The following CASC3 variants were observed in gnomAD, a reference collection of about 807,000 sequenced individuals.
CASC3 encodes the protein protein CASC3.
A neutral mutation model predicts 80.5 loss-of-function variants in CASC3; 30 were observed. The observed-to-expected ratio is 0.37, with a 90% CI of 0.28 to 0.51. CASC3 has a LOEUF of 0.51. Ranked by LOEUF, CASC3 falls within the 20% of genes least tolerant of loss-of-function variation. CASC3 has a pLI of 0.94. For synonymous variants in CASC3, 312 were observed against 333.6 expected (o/e 0.94, Z 0.70); for missense variants, 824 against 922.2 (o/e 0.89, Z 1.38).
chr17:40,171,855 G>A lies in CASC3; in HGVS notation c.*1450G>A. 2 of 1,195,840 alleles carry A rather than the reference G, an allele frequency of 1.7e-6. No individual in the cohort carries two copies. Among genetic ancestry groups the A allele is most frequent in the South Asian group, 1.6e-5 (1 of 64,342 alleles). 74.1% of individuals were successfully genotyped at this position (1,195,840 alleles called of 1,614,324 possible). ...CACTCTGAGTCACAGGTGTGGGATG[G>A]AGAGTGGGGAGAGGCACTTAATCTG... On this transcript the variant is annotated 3_prime_UTR_variant, in exon 14 of 14. Coordinates refer to ENST00000264645, the MANE Select transcript of CASC3 (RefSeq NM_007359.5).
intron 3 of CASC3, among the ~76,000 whole-genome samples, chr17:40,150,124 T>C (rs1988963301): frequency 6.6e-6 from 1 of 152,170 alleles, no homozygotes; most frequent in Non-Finnish European, 1.5e-5. Context: ...CTCACACCTG[T>C]AATCCAAGCA....
chr17:40,150,332 A>G (rs1308367167), intron 3 of CASC3, among the ~76,000 whole-genome samples: 1 of 152,080 alleles, frequency 6.6e-6, no homozygotes, highest in African/African-American at 2.4e-5. Flanking sequence ...TGATTGCACC[A>G]CTGCACTCCA....
chr17:40,160,498 A>G (rs1043978491), intron 3 of CASC3, among the ~76,000 whole-genome samples: 2 of 146,162 alleles, frequency 1.4e-5, no homozygotes, highest in Non-Finnish European at 3.0e-5. Flanking sequence ...CTCAAAACAG[A>G]AAAAAAAAAA....
intron 7 of CASC3, among the ~76,000 whole-genome samples, chr17:40,164,922 AT>A (rs552290996): frequency 0.027 from 2,656 of 98,568 alleles, 92 homozygotes; most frequent in African/African-American, 0.091. Context: ...CACCTGGCTA[AT>A]TTTTTTTTTT....
chr17:40,163,312 TTTAGTAGAAATGAG>T (rs1989353614), intron 6 of CASC3, among the ~76,000 whole-genome samples, 155 bp from the exon 7 acceptor site: 1 of 152,050 alleles, frequency 6.6e-6, no homozygotes, highest in South Asian at 2.1e-4. Flanking sequence ...TTTTTGTATT[TTTAGTAGAAATGAG>T]GTTTCGCTAT....
At position 40,171,536 on chromosome 17, in the gene CASC3, C is replaced by G. The variant is rs745643482; in HGVS notation, c.*1131C>G. ...TTAGATGTTACTACCTTATTTTCCCCGAATTCTATTTTTGTCCTTGCAGAC... is the reference window on the plus strand; with the variant it reads ...TTAGATGTTACTACCTTATTTTCCCGGAATTCTATTTTTGTCCTTGCAGAC... On this transcript the variant is annotated 3_prime_UTR_variant, in exon 14 of 14. Transcript: ENST00000264645. The G allele has an allele frequency of 1.0e-6, 1 of 989,130 alleles. No individual in the cohort carries two copies. The highest frequency in any genetic ancestry group is 1.7e-5 in the African/African-American group (1 of 57,360). The allele number at this position is 989,130 out of a possible 1,614,324, so 61.3% of individuals were successfully genotyped here. A position where few individuals can be genotyped will look rare whatever the true frequency, so the allele number is the denominator to read the frequency against.
At chr17:40,146,999 G>A (rs1356568370) in intron 3 of CASC3, among the ~76,000 whole-genome samples, 2 of 152,170 alleles carry the variant, frequency 1.3e-5, no homozygotes, top group Non-Finnish European at 2.9e-5. Context: ...GAATGGAAAC[G>A]TTGGAGAAAC....
intron 3 of CASC3, among the ~76,000 whole-genome samples, chr17:40,141,990 G>C (rs1314377996): frequency 6.6e-6 from 1 of 152,220 alleles, no homozygotes; most frequent in African/African-American, 2.4e-5. Context: ...GAAAGGGTAG[G>C]ATTCGGAATG....
chr17:40,140,828 C>T (rs1383766836), intron 1 of CASC3, 49 bp downstream of exon 1: 2 of 100,182 alleles, frequency 2.0e-5, no homozygotes, highest in South Asian at 8.7e-5. Flanking sequence ...GCGAGCCGGC[C>T]GGGGGCGGGG....
chr17:40,151,851 C>T (rs1989018452), intron 3 of CASC3, among the ~76,000 whole-genome samples: 1 of 152,116 alleles, frequency 6.6e-6, no homozygotes, highest in South Asian at 2.1e-4. Context: ...ATGTGTCTGG[C>T]CTCTTTCAGT....
chr17:40,168,481 A>T, intron 11 of CASC3, 64 bp downstream of exon 11: 3 of 1,400,598 alleles, frequency 2.1e-6, no homozygotes, highest in Non-Finnish European at 2.0e-6. Flanking sequence ...GGAATGTGGT[A>T]TGGGGAGAAT....
chr17:40,169,742 C>CTTTTTTTTTTTT lies in CASC3; in HGVS notation c.*41+100_*41+111dup, dbSNP rs56186811. On this transcript the variant is annotated intron_variant, in intron 13 of 13. Coordinates refer to ENST00000264645, the MANE Select transcript of CASC3 (RefSeq NM_007359.5). ...ATAAACAAAAATCACTTAATTAATG[C>CTTTTTTTTTTTT]TTTTTTTTTTTTTTTTTTTTTTTTT... The CTTTTTTTTTTTT allele has an allele frequency of 1.6e-4, 15 of 91,830 alleles. 4 individuals carry two copies. Among genetic ancestry groups the CTTTTTTTTTTTT allele is most frequent in the African/African-American group, 1.0e-3 (12 of 11,712 alleles). 5.7% of individuals were successfully genotyped at this position (91,830 alleles called of 1,614,324 possible). A position where few individuals can be genotyped will look rare whatever the true frequency, so the allele number is the denominator to read the frequency against.
chr17:40,151,482 G>C (rs1311269673), intron 3 of CASC3, among the ~76,000 whole-genome samples: 1 of 151,986 alleles, frequency 6.6e-6, no homozygotes, highest in African/African-American at 2.4e-5. Flanking sequence ...AAAGTGCTGG[G>C]ATTACAGGCG....
chr17:40,146,186 T>C (rs1988855853), intron 3 of CASC3, among the ~76,000 whole-genome samples: 1 of 152,160 alleles, frequency 6.6e-6, no homozygotes, highest in African/African-American at 2.4e-5. Context: ...TGTAGGAATC[T>C]AGTTAAGTAG....
At position 40,163,729 on chromosome 17, in the gene CASC3, A is replaced by T; in HGVS notation, c.1034A>T (p.His345Leu). 1 of 1,614,146 alleles carries T rather than the reference A, an allele frequency of 6.2e-7. No homozygotes were observed. The highest frequency in any genetic ancestry group is 8.5e-7 in the Non-Finnish European group (1 of 1,180,024). The change falls in exon 7 of 14, where the codon CAT (histidine) becomes CTT (leucine). Residue 345 changes from histidine to leucine, a missense_variant. Around this residue, in one of 3 missense-constraint regions of CASC3, gnomAD observed 464 missense variants for 506.0 expected, o/e 0.92. Transcript: ENST00000264645. Reference sequence around the variant, plus strand: ...GGCCGGTCTGGTGAGACTGTTAAGCATGAGATTAGTTACCGGTCACGGCGC... The same window carrying T: ...GGCCGGTCTGGTGAGACTGTTAAGCTTGAGATTAGTTACCGGTCACGGCGC... Reference protein sequence around the residue: ...HGGRSGETVKHEISYRSRRLE... With the variant: ...HGGRSGETVKLEISYRSRRLE...
chr17:40,157,359 A>AATT (rs1989175824), intron 3 of CASC3, among the ~76,000 whole-genome samples: 1 of 148,136 alleles, frequency 6.8e-6, no homozygotes, highest in African/African-American at 2.5e-5. Flanking sequence ...ATAAATAAAT[A>AATT]AATAAATAAA....
At chr17:40,168,523 C>A in intron 11 of CASC3, 106 bp downstream of exon 11, 2 of 1,014,406 alleles carry the variant, frequency 2.0e-6, no homozygotes, top group South Asian at 1.5e-5. Context: ...ATTTTCAGTG[C>A]CACTGATTTG....
intron 3 of CASC3, among the ~76,000 whole-genome samples, chr17:40,155,686 TG>T (rs1220416583): frequency 6.6e-6 from 1 of 152,198 alleles, no homozygotes; most frequent in Non-Finnish European, 1.5e-5. Flanking sequence ...CTGAAATATG[TG>T]GGAAGTAGAA....
chr17:40,167,210 T>G, intron 8 of CASC3: 1 of 516,426 alleles, frequency 1.9e-6, no homozygotes, highest in East Asian at 3.4e-5. Context: ...CCACCCACCC[T>G]GGCCTCCCAA....
Sources: gnomAD v4.1 joint callset for allele counts (sites outside exome capture counted in the v4.1 genomes callset) on GRCh38, gnomAD v4.1.1 for gene constraint, gnomAD v4.1.1 regional missense constraint, MANE v1.5 for transcripts, NCBI Gene and HGNC (gene_info 2026-07-23, HGNC 2026-07-21) for gene names.